The following KCNAB1 variants were observed in gnomAD, a reference collection of about 807,000 sequenced individuals.
The protein encoded by KCNAB1 is potassium voltage-gated channel subfamily A regulatory beta subunit 1.
Under a neutral mutation model 64.6 loss-of-function variants are expected in KCNAB1, and 35 were observed. The ratio of observed to expected loss-of-function variants is 0.54; its 90% CI spans 0.41 to 0.72. The LOEUF (loss-of-function observed/expected upper bound fraction) is 0.72, where lower values mean the gene tolerates loss of function less well. KCNAB1 is among the 30% of genes least tolerant of loss of function. The probability of loss-of-function intolerance (pLI) is 0.00; values close to 1 mark genes in which losing one functional copy is unlikely to be tolerated. For missense variants in KCNAB1, 401 were observed against 512.9 expected, an observed-to-expected ratio of 0.78 and a Z score of 2.11; for synonymous variants, 177 against 183.8, an observed-to-expected ratio of 0.96 and a Z score of 0.30.
At chr3:156,349,134 C>G (rs959179071) in intron 1 of KCNAB1, among the ~76,000 whole-genome samples, 2 of 152,208 alleles carry the variant, frequency 1.3e-5, no homozygotes, top group Non-Finnish European at 2.9e-5. Context: ...GAATTTTCAA[C>G]CACTTTATTA....
intron 1 of KCNAB1, among the ~76,000 whole-genome samples, chr3:156,241,340 A>C (rs962468046): frequency 6.6e-6 from 1 of 152,188 alleles, no homozygotes; most frequent in African/African-American, 2.4e-5. Flanking sequence ...AAAGTTAATC[A>C]TATCAGGTAA....
rs115489330 is a variant in KCNAB1, at chr3:156,268,233, A to G, written c.275+147347A>G. The stretch of plus-strand genomic sequence containing the variant: ...ATTTTTTATGGCCGAATAAAATTCC[A>G]TTGTGTATGCGTGCCACATTTTCTT... On this transcript the variant is annotated intron_variant, in intron 1 of 13. Coordinates refer to ENST00000490337, the MANE Select transcript of KCNAB1 (RefSeq NM_172160.3). 9.0e-3 allele frequency among the ~76,000 whole-genome samples: 1,369 copies of G among 152,272 alleles called. 21 individuals carry two copies. The highest frequency in any genetic ancestry group is 0.031 in the African/African-American group (1,307 of 41,566).
rs1441287761 is a variant in KCNAB1, at chr3:156,536,862, G to C, written c.*115G>C. On this transcript the variant is annotated 3_prime_UTR_variant, in exon 14 of 14. Transcript: ENST00000490337. The stretch of plus-strand genomic sequence containing the variant: ...TTAGCAGCTTGCTGCTCAACCTCTA[G>C]TGTCCCTCCCTGGATTCTTTGAGGT... The C allele has an allele frequency of 4.1e-6, 3 of 727,378 alleles. No individual in the cohort carries two copies. The African/African-American group carries it at 5.2e-5, about 13-fold the overall frequency. 45.1% of individuals were successfully genotyped at this position (727,378 alleles called of 1,614,324 possible). A position where few individuals can be genotyped will look rare whatever the true frequency, so the allele number is the denominator to read the frequency against.
At chr3:156,189,137 T>C (rs1018222564) in intron 1 of KCNAB1, among the ~76,000 whole-genome samples, 3 of 152,234 alleles carry the variant, frequency 2.0e-5, no homozygotes, top group African/African-American at 7.2e-5. Flanking sequence ...TCCCTTTATT[T>C]GACACATTCT....
chr3:156,292,263 T>C, intron 1 of KCNAB1: 1 of 983,882 alleles, frequency 1.0e-6, no homozygotes, highest in Non-Finnish European at 1.5e-6. Context: ...GGTTCTAAAA[T>C]AGCTCTTTAG....
At chr3:156,491,332 A>G (rs1715614297) in intron 8 of KCNAB1, among the ~76,000 whole-genome samples, 1 of 152,130 alleles carries the variant, frequency 6.6e-6, no homozygotes, top group African/African-American at 2.4e-5. Context: ...CTCTAGAAGA[A>G]ATGTTGCCAG....
At chr3:156,486,027 C>T (rs114604473) in intron 8 of KCNAB1, among the ~76,000 whole-genome samples, 60 of 152,162 alleles carry the variant, frequency 3.9e-4, no homozygotes, top group African/African-American at 1.4e-3. Context: ...AGGTTGATCA[C>T]TCGATTCAAG....
In KCNAB1 at chr3:156,279,891, C is replaced by T. The variant is rs1385780200; in HGVS notation, c.276-141725C>T. ...AGCCCTTTGTCAGATGAGTAGGTTG[C>T]GAAAATTTTCTCCCATTTTGTAGGT... On this transcript the variant is annotated intron_variant, in intron 1 of 13. Transcript: ENST00000490337. 3.0e-3 allele frequency among the ~76,000 whole-genome samples: 451 copies of T among 148,516 alleles called. 2 individuals carry two copies. The highest frequency in any genetic ancestry group is 3.6e-3 in the Non-Finnish European group (242 of 66,384).
chr3:156,370,406 C>A (rs1327806244), intron 1 of KCNAB1, among the ~76,000 whole-genome samples: 1 of 152,142 alleles, frequency 6.6e-6, no homozygotes. Flanking sequence ...AATGTATTAT[C>A]CTGCCTGAAA....
rs566657676 is a variant in KCNAB1 at position 156,429,641 on chromosome 3, A to G, written c.319+7982A>G. 2.0e-5 allele frequency among the ~76,000 whole-genome samples: 3 copies of G among 152,346 alleles called. No individual in the cohort carries two copies. The South Asian group carries it at 6.2e-4, about 32-fold the overall frequency. On this transcript the variant is annotated intron_variant, in intron 2 of 13. Transcript: ENST00000490337. ...TGACACTAGGAGAACACGACATTAA[A>G]TATTTAACATGGATGGTATTATTTT... is the stretch of plus-strand genomic sequence containing the variant.
chr3:156,296,817 T>C (rs1043961466), intron 1 of KCNAB1, among the ~76,000 whole-genome samples: 4 of 152,160 alleles, frequency 2.6e-5, no homozygotes, highest in African/African-American at 9.7e-5. Flanking sequence ...AAAATTGTTT[T>C]TGAAATAATT....
At chr3:156,178,925 T>C (rs569663029) in intron 1 of KCNAB1, among the ~76,000 whole-genome samples, 128 of 139,610 alleles carry the variant, frequency 9.2e-4, no homozygotes, top group Middle Eastern at 4.0e-3. Flanking sequence ...GGCATGAACC[T>C]GGGAGGCGGA....
chr3:156,273,403 T>G (rs116608842), intron 1 of KCNAB1: 5,018 of 326,370 alleles, frequency 0.015, 90 homozygotes, highest in Non-Finnish European at 0.018. Flanking sequence ...ACTGCTGGGA[T>G]GGGTAATTCC....
intron 1 of KCNAB1, chr3:156,216,872 A>G (rs1342687854): frequency 6.6e-6 from 1 of 152,266 alleles, no homozygotes; most frequent in Admixed American, 6.5e-5. Context: ...CTGTTTGTCC[A>G]GCACCTGAGT....
chr3:156,313,429 G>A (rs1025883282), intron 1 of KCNAB1, among the ~76,000 whole-genome samples: 3 of 152,180 alleles, frequency 2.0e-5, no homozygotes, highest in Non-Finnish European at 4.4e-5. Flanking sequence ...TTATCTGAGT[G>A]GTTCTTAAGT....
At chr3:156,372,866 T>G (rs564538115) in intron 1 of KCNAB1, among the ~76,000 whole-genome samples, 1 of 152,330 alleles carries the variant, frequency 6.6e-6, no homozygotes, top group South Asian at 2.1e-4. Flanking sequence ...CCACCGAAAC[T>G]TTAAATGATG....
intron 1 of KCNAB1, among the ~76,000 whole-genome samples, chr3:156,281,445 G>C (rs1319330595): frequency 1.3e-5 from 2 of 149,912 alleles, no homozygotes; most frequent in African/African-American, 4.9e-5. Context: ...TTGTGTCTCT[G>C]CCTGGCTTTG....
chr3:156,118,394 TG>T, upstream of KCNAB1: 1 of 441,552 alleles, frequency 2.3e-6, no homozygotes, highest in Non-Finnish European at 4.5e-6. Flanking sequence ...GAAAGCTGCA[TG>T]GTCTTTCTGA....
chr3:156,267,512 G>A (rs1340270963), intron 1 of KCNAB1, among the ~76,000 whole-genome samples: 1 of 152,080 alleles, frequency 6.6e-6, no homozygotes, highest in Non-Finnish European at 1.5e-5. Context: ...CTTTATTCCA[G>A]GCTGTCCTCA....
Sources: gnomAD v4.1 joint callset for allele counts (sites outside exome capture counted in the v4.1 genomes callset) on GRCh38, gnomAD v4.1.1 for gene constraint, MANE v1.5 for transcripts, NCBI Gene and HGNC (gene_info 2026-07-23, HGNC 2026-07-21) for gene names.